The following EFHC2 variants were observed in gnomAD, a reference collection of about 807,000 sequenced individuals.
The protein encoded by EFHC2 is EF-hand domain containing 2, also known as EF-hand domain-containing family member C2.
Under a neutral mutation model 52.7 loss-of-function variants are expected in EFHC2, and 18 were observed. The observed-to-expected ratio is 0.34, with a 90% CI of 0.24 to 0.51. The LOEUF (loss-of-function observed/expected upper bound fraction) is 0.51, where lower values mean the gene tolerates loss of function less well. Among genes scored for constraint, EFHC2 ranks in the 20% least tolerant of loss-of-function variants. The pLI is 0.97. For missense variants in EFHC2, 513 were observed against 562.5 expected (o/e 0.91, Z 0.89); for synonymous variants, 203 against 204.1 (o/e 0.99, Z 0.04).
At chrX:44,320,305 T>C (rs2038010206) in intron 1 of EFHC2, among the ~76,000 whole-genome samples, 1 of 111,572 alleles carries the variant, frequency 9.0e-6, no homozygotes, top group Non-Finnish European at 1.9e-5. Context: ...AGAATAGTGA[T>C]CCAGGAAGCA....
chrX:44,310,393 G>A, intron 2 of EFHC2: 2 of 1,012,131 alleles, frequency 2.0e-6, no homozygotes, highest in Non-Finnish European at 2.7e-6. Context: ...TCACCTTGTC[G>A]ACCAGGCTGA....
chrX:44,197,208 A>G (rs1016693960), intron 11 of EFHC2, among the ~76,000 whole-genome samples: 6 of 112,100 alleles, frequency 5.4e-5, no homozygotes, highest in African/African-American at 1.6e-4. Context: ...AAAGGTCAAA[A>G]TAAGTCTAGG....
At chrX:44,304,403 G>C (rs1326331737) in intron 2 of EFHC2, among the ~76,000 whole-genome samples, 1 of 111,910 alleles carries the variant, frequency 8.9e-6, no homozygotes, top group Non-Finnish European at 1.9e-5. Context: ...AGTTAATGGC[G>C]GGACCAGAAC....
intron 1 of EFHC2, among the ~76,000 whole-genome samples, chrX:44,321,418 G>T (rs2038019802): frequency 9.0e-6 from 1 of 111,438 alleles, no homozygotes; most frequent in Admixed American, 9.6e-5. Context: ...GTCGAGGCTG[G>T]ATATAAAAAT....
chrX:44,180,109 C>T (rs147284656), intron 11 of EFHC2, among the ~76,000 whole-genome samples: 3,437 of 111,936 alleles, frequency 0.031, 130 homozygotes, highest in African/African-American at 0.11. Flanking sequence ...TTGCCTACTA[C>T]TCTATCCCTC....
intron 7 of EFHC2, among the ~76,000 whole-genome samples, chrX:44,243,132 T>C (rs779953283): frequency 6.3e-5 from 7 of 111,419 alleles, no homozygotes; most frequent in African/African-American, 2.3e-4. Flanking sequence ...GGTACTCATT[T>C]GCGAGGCTGT....
rs1363374177 is a variant in EFHC2, at chrX:44,331,244, G to GT, written c.42+12302_42+12303insA. Among the ~76,000 whole-genome samples the GT allele has an allele frequency of 3.6e-5, 4 of 111,887 alleles. No homozygotes were observed. The East Asian group carries it at 8.4e-4, about 23-fold the overall frequency. ...CGCAACCACCTGGATAAATGCCCAG[G>GT]GACTTATACCAAGTGGAAAAAACAA... is the stretch of plus-strand genomic sequence containing the variant. On this transcript the variant is annotated intron_variant, in intron 1 of 14. Transcript: ENST00000420999.
intron 1 of EFHC2, among the ~76,000 whole-genome samples, chrX:44,337,820 T>C (rs1357499205): frequency 1.8e-5 from 2 of 112,224 alleles, no homozygotes; most frequent in Admixed American, 9.5e-5. Context: ...ATGTGAGCAA[T>C]TGGTATTGTG....
At chrX:44,321,041 A>G (rs1428413519) in intron 1 of EFHC2, among the ~76,000 whole-genome samples, 1 of 112,076 alleles carries the variant, frequency 8.9e-6, no homozygotes, top group African/African-American at 3.2e-5. Context: ...GCAATAGTCC[A>G]GGCAAGAAAT....
intron 8 of EFHC2, 59 bp from the exon 9 acceptor site, chrX:44,235,506 T>A: frequency 1.9e-6 from 2 of 1,058,465 alleles, no homozygotes; most frequent in Non-Finnish European, 2.5e-6. Context: ...ACATATTATG[T>A]TTTTAAAAGT....
intron 1 of EFHC2, among the ~76,000 whole-genome samples, chrX:44,322,583 T>C (rs981196942): frequency 3.6e-5 from 4 of 112,131 alleles, no homozygotes; most frequent in Admixed American, 1.9e-4. Context: ...ATGGGTCATG[T>C]GATGCTGGAG....
intron 2 of EFHC2, among the ~76,000 whole-genome samples, chrX:44,305,268 A>T (rs781771233): frequency 7.2e-5 from 8 of 111,217 alleles, no homozygotes; most frequent in African/African-American, 2.6e-4. Context: ...CCTCAAAAAA[A>T]AATAATAAAA....
chrX:44,178,124 C>T (rs1185643103), intron 12 of EFHC2, among the ~76,000 whole-genome samples: 5 of 97,285 alleles, frequency 5.1e-5, no homozygotes, highest in African/African-American at 8.0e-5. Flanking sequence ...GGGCCAGATG[C>T]CATATCACAC....
At chrX:44,266,734 T>C (rs1171765528) in intron 3 of EFHC2, among the ~76,000 whole-genome samples, 2 of 111,259 alleles carry the variant, frequency 1.8e-5, no homozygotes, top group East Asian at 2.8e-4. Context: ...GAGTATCTTA[T>C]ACTTCATCTG....
intron 11 of EFHC2, among the ~76,000 whole-genome samples, chrX:44,215,105 T>TAA (rs1333683835): frequency 1.8e-5 from 2 of 111,527 alleles, no homozygotes; most frequent in Non-Finnish European, 3.8e-5. Flanking sequence ...GCTCTCTCTC[T>TAA]CTTTCCTGCC....
intron 3 of EFHC2, among the ~76,000 whole-genome samples, chrX:44,267,439 C>T (rs780360169): frequency 3.6e-5 from 4 of 111,724 alleles, no homozygotes; most frequent in Non-Finnish European, 7.5e-5. Flanking sequence ...TGATTAGAAG[C>T]TGCATGAATG....
chrX:44,333,332 G>A (rs1006627129), intron 1 of EFHC2, among the ~76,000 whole-genome samples: 9 of 111,147 alleles, frequency 8.1e-5, no homozygotes, highest in Non-Finnish European at 1.7e-4. Context: ...TTGAGGGAAG[G>A]TCAGGATCTA....
At chrX:44,207,162 C>T (rs2037054881) in intron 11 of EFHC2, among the ~76,000 whole-genome samples, 1 of 111,994 alleles carries the variant, frequency 8.9e-6, no homozygotes, top group Admixed American at 9.4e-5. Flanking sequence ...ACTGGCTAGA[C>T]ATGAATTGGA....
At chrX:44,275,537 A>C (rs1166735987) in intron 2 of EFHC2, among the ~76,000 whole-genome samples, 3 of 110,151 alleles carry the variant, frequency 2.7e-5, no homozygotes, top group Non-Finnish European at 5.7e-5. Context: ...TAAAATAAAA[A>C]CTGTTAAAAA....
Sources: allele counts gnomAD v4.1 joint callset (sites outside exome capture counted in the v4.1 genomes callset), GRCh38; gene constraint gnomAD v4.1.1; transcripts MANE v1.5; gene names NCBI Gene and HGNC (gene_info 2026-07-23, HGNC 2026-07-21).